The following BOLL variants were observed in gnomAD, a reference collection of about 807,000 sequenced individuals.
The protein encoded by BOLL is boule RNA binding protein.
BOLL carries 23 observed loss-of-function variants against 44.4 expected under a neutral mutation model. That is an observed-to-expected ratio of 0.52 (90% confidence interval 0.37 to 0.73). BOLL has a LOEUF of 0.73. BOLL is among the 30% of genes least tolerant of loss of function. The probability of loss-of-function intolerance (pLI) is 0.00; values close to 1 mark genes in which losing one functional copy is unlikely to be tolerated. For synonymous variants in BOLL, 97 were observed against 110.8 expected, an observed-to-expected ratio of 0.88 and a Z score of 0.78; for missense variants, 287 against 338.3, an observed-to-expected ratio of 0.85 and a Z score of 1.19.
chr2:197,766,670 TCAAATTATTAC>T, intron 6 of BOLL, 67 bp from the exon 7 acceptor site: 1 of 1,166,402 alleles, frequency 8.6e-7, no homozygotes, highest in Non-Finnish European at 1.3e-6. Context: ...AAAATTTATC[TCAAATTATTAC>T]CTAAACCCAG....
intron 10 of BOLL, among the ~76,000 whole-genome samples, chr2:197,729,824 A>T (rs1298278443): frequency 6.6e-6 from 1 of 151,670 alleles, no homozygotes; most frequent in Non-Finnish European, 1.5e-5. Context: ...CATCACCATC[A>T]TCAAAGACCA....
At chr2:197,759,476 G>A (rs893705143) in intron 7 of BOLL, among the ~76,000 whole-genome samples, 1 of 152,042 alleles carries the variant, frequency 6.6e-6, no homozygotes, top group Non-Finnish European at 1.5e-5. Context: ...CCCACCCTGT[G>A]AGCGAAGCTG....
At chr2:197,778,832 A>G in intron 3 of BOLL, 143 bp downstream of exon 3, 2 of 614,028 alleles carry the variant, frequency 3.3e-6, no homozygotes, top group East Asian at 2.9e-5. Flanking sequence ...ACACACACAC[A>G]AGGAAATCAA....
chr2:197,729,249 T>TAAAA (rs1338366472), intron 10 of BOLL, among the ~76,000 whole-genome samples: 2 of 152,150 alleles, frequency 1.3e-5, no homozygotes, highest in Non-Finnish European at 2.9e-5. Context: ...CTACTGCGCT[T>TAAAA]TTCCGACGGG....
At chr2:197,760,364 G>A (rs748870018) in intron 7 of BOLL, among the ~76,000 whole-genome samples, 18 of 152,182 alleles carry the variant, frequency 1.2e-4, no homozygotes, top group Admixed American at 8.5e-4. Flanking sequence ...TGTATTCCAG[G>A]CCTGAGAAAC....
chr2:197,754,998 T>C (rs1688442938), intron 9 of BOLL, among the ~76,000 whole-genome samples: 1 of 152,054 alleles, frequency 6.6e-6, no homozygotes, highest in Non-Finnish European at 1.5e-5. Flanking sequence ...AATCTATCCA[T>C]CTGACAAAAG....
Position 197,737,809 on chromosome 2 carries a change from A to G in BOLL, c.828+5252T>C, listed in dbSNP as rs575236377. Among the ~76,000 whole-genome samples, 7 of 152,142 alleles carry G rather than the reference A, an allele frequency of 4.6e-5. No homozygotes were observed. In the East Asian group the frequency reaches 1.2e-3, roughly 25 times the overall value. On this transcript the variant is annotated intron_variant, in intron 10 of 10. Transcript: ENST00000392296. ...TGGTAGTAGTTCAGATCCCTCTCCA[A>G]TTTACTTCTGAATCATACTTTGTCG...
intron 10 of BOLL, among the ~76,000 whole-genome samples, chr2:197,733,925 C>T (rs1311171374): frequency 1.3e-5 from 2 of 152,208 alleles, no homozygotes; most frequent in East Asian, 3.9e-4. Context: ...GTCTAAAACA[C>T]CAAAAGCCAT....
chr2:197,768,503 A>T (rs1689095296), intron 6 of BOLL, among the ~76,000 whole-genome samples: 2 of 151,896 alleles, frequency 1.3e-5, no homozygotes, highest in Admixed American at 6.6e-5. Flanking sequence ...GGCAAGGTGA[A>T]CAAATACACC....
intron 7 of BOLL, among the ~76,000 whole-genome samples, chr2:197,764,184 T>G (rs1688887936): frequency 6.6e-6 from 1 of 152,204 alleles, no homozygotes; most frequent in Admixed American, 6.5e-5. Flanking sequence ...ATCCCACTAC[T>G]GGGAATTTAT....
intron 3 of BOLL, 78 bp from the exon 4 acceptor site, chr2:197,777,191 T>A: frequency 9.4e-7 from 1 of 1,066,594 alleles, no homozygotes; most frequent in Non-Finnish European, 1.3e-6. Context: ...TGTTTAAAAA[T>A]TTTGTTTTTA....
chr2:197,728,746 C>T (rs371908593), intron 10 of BOLL, among the ~76,000 whole-genome samples, 168 bp from the exon 11 acceptor site: 1,817 of 152,162 alleles, frequency 0.012, 44 homozygotes, highest in African/African-American at 0.041. Flanking sequence ...TTTAGGAGGG[C>T]TCCAGAACTC....
chr2:197,735,642 C>T (rs987799134), intron 10 of BOLL, among the ~76,000 whole-genome samples: 1 of 152,094 alleles, frequency 6.6e-6, no homozygotes, highest in Admixed American at 6.6e-5. Context: ...TATACAGAAA[C>T]TCTATTATTT....
Position 197,775,728 on chromosome 2 carries a change from T to C in BOLL, c.289A>G (p.Asn97Asp). 1 of 1,538,708 alleles carries C rather than the reference T, an allele frequency of 6.5e-7. No homozygotes were observed. Among genetic ancestry groups the C allele is most frequent in the East Asian group, 2.3e-5 (1 of 42,800 alleles). ...QKILQEAEKL[N>D]YKDKKLNIGP... Reference sequence around the variant, plus strand: ...ATGTTCAGCTTCTTATCCTTATAATTAAGTTTTTCAGCCTAAAATAAAGAA... The same window carrying C: ...ATGTTCAGCTTCTTATCCTTATAATCAAGTTTTTCAGCCTAAAATAAAGAA... Residue 97 changes from asparagine to aspartate, a missense_variant, in exon 5 of 11, where the codon AAT becomes GAT. Asn to Asp is a conservative substitution (Grantham distance 23). Coordinates refer to ENST00000392296, the MANE Select transcript of BOLL (RefSeq NM_033030.6).
intron 9 of BOLL, among the ~76,000 whole-genome samples, chr2:197,744,350 A>G (rs1184639554): frequency 6.6e-6 from 1 of 152,216 alleles, no homozygotes; most frequent in African/African-American, 2.4e-5. Context: ...AAATCTGCTT[A>G]TAAAGGAAAA....
At chr2:197,761,272 C>T (rs1478003051) in intron 7 of BOLL, among the ~76,000 whole-genome samples, 2 of 152,242 alleles carry the variant, frequency 1.3e-5, no homozygotes, top group Non-Finnish European at 2.9e-5. Flanking sequence ...GATCATGTCA[C>T]TATACTCTGT....
Position 197,756,524 on chromosome 2 carries a change from C to T in BOLL, c.633G>A (p.Leu211=), listed in dbSNP as rs765700202. The T allele has an allele frequency of 1.2e-6, 2 of 1,611,464 alleles. No individual in the cohort carries two copies. Among genetic ancestry groups the T allele is most frequent in the Admixed American group, 1.7e-5 (1 of 59,876 alleles). The change falls in exon 9 of 11, where the codon CTG becomes CTA. Residue 211 remains leucine, a synonymous_variant. Coordinates refer to ENST00000392296, the MANE Select transcript of BOLL (RefSeq NM_033030.6). ...GTTGATAAATAACCTCAGAAGGTTG[C>T]AGGTATAAGAATGGAGCAGAAGAGG... ...PSASSAPFLY[L]QPSEVIYQPV...
At position 197,784,999 on chromosome 2, in the gene BOLL, A is replaced by G. The variant is rs185565150; in HGVS notation, c.-16+57T>C. 2,043 of 985,858 alleles carry G rather than the reference A, an allele frequency of 2.1e-3. 3 individuals carry two copies. The highest frequency in any genetic ancestry group is 2.6e-3 in the Middle Eastern group (5 of 1,926). The allele number at this position is 985,858 out of a possible 1,614,324, so 61.1% of individuals were successfully genotyped here. A position where few individuals can be genotyped will look rare whatever the true frequency, so the allele number is the denominator to read the frequency against. ...CACTGGCCCCTCCCCTTGAGAATCA[A>G]CCTCGAGATCTAGCATCTATTTTGC... is the stretch of plus-strand genomic sequence containing the variant. On this transcript the variant is annotated intron_variant, in intron 1 of 10. Transcript: ENST00000392296.
At chr2:197,743,304 T>A in intron 9 of BOLL, 145 bp from the exon 10 acceptor site, 2 of 496,652 alleles carry the variant, frequency 4.0e-6, no homozygotes, top group Non-Finnish European at 7.0e-6. Context: ...TAACTTATAA[T>A]CTGATGAGTT....
Sources: gnomAD v4.1 joint callset for allele counts (sites outside exome capture counted in the v4.1 genomes callset) on GRCh38, gnomAD v4.1.1 for gene constraint, MANE v1.5 for transcripts, NCBI Gene and HGNC (gene_info 2026-07-23, HGNC 2026-07-21) for gene names.